RAD51B: variants seen among roughly 807,000 people sequenced by gnomAD.
The protein encoded by RAD51B is RAD51 paralog B, also known as DNA repair protein RAD51 homolog 2.
Under a neutral mutation model 42.2 loss-of-function variants are expected in RAD51B, and 38 were observed. That is an observed-to-expected ratio of 0.90 (90% CI 0.70 to 1.18). The LOEUF (loss-of-function observed/expected upper bound fraction) is 1.18. Among genes scored for constraint, RAD51B ranks in the 50% most tolerant of loss-of-function variants. The pLI is 0.00. For synonymous variants in RAD51B, 154 were observed against 145.2 expected (o/e 1.06, Z -0.43); for missense variants, 373 against 400.7 (o/e 0.93, Z 0.59).
chr14:68,453,177 G>A (rs1423301808), intron 9 of RAD51B, among the ~76,000 whole-genome samples: 3 of 152,320 alleles, frequency 2.0e-5, no homozygotes, highest in Non-Finnish European at 4.4e-5. Context: ...GCACTTTAAT[G>A]TGGAGGTTTG....
chr14:68,158,436 G>A (rs575944695), intron 7 of RAD51B, among the ~76,000 whole-genome samples: 2 of 152,210 alleles, frequency 1.3e-5, no homozygotes, highest in African/African-American at 2.4e-5. Context: ...AACCACAGAT[G>A]TGTTTAATTT....
chr14:68,066,078 C>A (rs528190055), intron 7 of RAD51B, among the ~76,000 whole-genome samples: 2 of 151,902 alleles, frequency 1.3e-5, no homozygotes, highest in East Asian at 3.9e-4. Flanking sequence ...GATTAATAAT[C>A]TAAAACAACC....
intron 10 of RAD51B, among the ~76,000 whole-genome samples, chr14:68,584,511 T>C (rs931428329): frequency 6.6e-6 from 1 of 152,152 alleles, no homozygotes. Context: ...TGATCAGCCT[T>C]CCCTATAGAA....
intron 11 of RAD51B, among the ~76,000 whole-genome samples, chr14:68,651,353 T>C (rs1892694749): frequency 6.6e-6 from 1 of 152,144 alleles, no homozygotes; most frequent in South Asian, 2.1e-4. Context: ...TGTATTTTTA[T>C]GTAAAGATAA....
At chr14:67,976,814 C>T (rs1193523721) in intron 7 of RAD51B, among the ~76,000 whole-genome samples, 1 of 152,170 alleles carries the variant, frequency 6.6e-6, no homozygotes, top group Non-Finnish European at 1.5e-5. Flanking sequence ...GCAACCTACT[C>T]ATCTGACAGA....
chr14:68,133,807 G>GT (rs1202547855), intron 7 of RAD51B, among the ~76,000 whole-genome samples: 2 of 151,944 alleles, frequency 1.3e-5, no homozygotes, highest in African/African-American at 4.8e-5. Context: ...ATTTTGGCTT[G>GT]TTAAGAAAAC....
At chr14:68,357,555 C>G (rs903037841) in intron 8 of RAD51B, among the ~76,000 whole-genome samples, 10 of 152,068 alleles carry the variant, frequency 6.6e-5, no homozygotes, top group Non-Finnish European at 1.3e-4. Flanking sequence ...AGAGGAATCA[C>G]TATCTATGGC....
intron 11 of RAD51B, among the ~76,000 whole-genome samples, chr14:68,673,601 ATG>A (rs1491403641): frequency 8.2e-6 from 1 of 121,640 alleles, no homozygotes; most frequent in African/African-American, 3.8e-5. Context: ...ACATATGTAC[ATG>A]CACACACACA....
intron 7 of RAD51B, among the ~76,000 whole-genome samples, chr14:67,963,220 G>T (rs2074705568): frequency 6.6e-6 from 1 of 151,668 alleles, no homozygotes; most frequent in Admixed American, 6.6e-5. Flanking sequence ...GTGTATCCAT[G>T]TGTATAGAAT....
chr14:68,480,674 A>T (rs1883106822), downstream of RAD51B, among the ~76,000 whole-genome samples: 1 of 152,042 alleles, frequency 6.6e-6, no homozygotes, highest in African/African-American at 2.4e-5. Flanking sequence ...AAAAAAAAAA[A>T]ATGTCTATAT....
intron 7 of RAD51B, among the ~76,000 whole-genome samples, chr14:68,163,252 CG>C (rs1280231350): frequency 6.6e-6 from 1 of 152,188 alleles, no homozygotes; most frequent in Non-Finnish European, 1.5e-5. Flanking sequence ...AGCATTTTCT[CG>C]TTTTGCCAGT....
At chr14:68,670,764 C>T (rs1410803947) in intron 11 of RAD51B, among the ~76,000 whole-genome samples, 1 of 152,214 alleles carries the variant, frequency 6.6e-6, no homozygotes, top group African/African-American at 2.4e-5. Flanking sequence ...GCAAAGTGGT[C>T]GAAGGCCAGA....
rs953484141 is a variant in RAD51B, at chr14:67,912,729, G to C, written c.756+25525G>C. ...CTAAGTTTTTTTTTTTTTTTGAGATGGAGTCTCACTCTGTTGCCCAGGCTA... is the reference window on the plus strand; with the variant it reads ...CTAAGTTTTTTTTTTTTTTTGAGATCGAGTCTCACTCTGTTGCCCAGGCTA... On this transcript the variant is annotated intron_variant, in intron 7 of 10. Transcript: ENST00000471583. 2.8e-5 allele frequency among the ~76,000 whole-genome samples: 4 copies of C among 144,312 alleles called. No homozygotes were observed. In the South Asian group the frequency reaches 6.6e-4, roughly 24 times the overall value. The allele number at this position is 144,312 out of a possible 152,430, so 94.7% of individuals were successfully genotyped here.
chr14:68,291,556 T>C (rs1179992182), intron 7 of RAD51B, among the ~76,000 whole-genome samples: 1 of 152,206 alleles, frequency 6.6e-6, no homozygotes, highest in Non-Finnish European at 1.5e-5. Flanking sequence ...CATTTAATTG[T>C]GGTTAGCTGC....
intron 8 of RAD51B, among the ~76,000 whole-genome samples, chr14:68,385,422 A>G (rs2083572906): frequency 6.6e-6 from 1 of 152,196 alleles, no homozygotes; most frequent in Non-Finnish European, 1.5e-5. Context: ...CAGGCTGACC[A>G]TCTTGGAAGT....
At chr14:68,480,412 A>C (rs1318173121), downstream of RAD51B, among the ~76,000 whole-genome samples, 2 of 152,190 alleles carry the variant, frequency 1.3e-5, no homozygotes, top group Non-Finnish European at 2.9e-5. Context: ...CTTGGCCATG[A>C]ACCTTGCAAT....
At chr14:67,838,401 A>G (rs187618295) in intron 4 of RAD51B, among the ~76,000 whole-genome samples, 1 of 152,026 alleles carries the variant, frequency 6.6e-6, no homozygotes, top group Non-Finnish European at 1.5e-5. Flanking sequence ...GAATGCATAT[A>G]TATATTCTGT....
chr14:68,476,865 A>G (rs1256916577), intron 10 of RAD51B, among the ~76,000 whole-genome samples: 2 of 152,194 alleles, frequency 1.3e-5, no homozygotes, highest in African/African-American at 4.8e-5. Context: ...AAGGGCTTGC[A>G]TTGCAGACAC....
At chr14:68,478,389 G>C (rs750346267), downstream of RAD51B, among the ~76,000 whole-genome samples, 5 of 152,222 alleles carry the variant, frequency 3.3e-5, no homozygotes, top group Non-Finnish European at 7.3e-5. Flanking sequence ...GACTCATGCA[G>C]TATTTAATAA....
Sources: allele counts gnomAD v4.1 joint callset (sites outside exome capture counted in the v4.1 genomes callset), GRCh38; gene constraint gnomAD v4.1.1; transcripts MANE v1.5; gene names NCBI Gene and HGNC (gene_info 2026-07-23, HGNC 2026-07-21).